The following TBC1D8 variants were observed in gnomAD, a reference collection of about 807,000 sequenced individuals.
The protein encoded by TBC1D8 is TBC1 domain family member 8, also known as BUB2-like protein 1.
A neutral mutation model predicts 118.8 loss-of-function variants in TBC1D8; 65 were observed. The ratio of observed to expected loss-of-function variants is 0.55; its 90% confidence interval spans 0.45 to 0.67. TBC1D8 has a LOEUF of 0.67. Ranked by LOEUF, TBC1D8 falls within the 30% of genes least tolerant of loss-of-function variation. The pLI, the probability that TBC1D8 is intolerant of heterozygous loss-of-function variation, is 0.00. For synonymous variants in TBC1D8, 566 were observed against 595.8 expected (o/e 0.95, Z 0.73); for missense variants, 1,376 against 1,471.2 (o/e 0.94, Z 1.06).
intron 5 of TBC1D8, among the ~76,000 whole-genome samples, chr2:101,045,843 A>C (rs1417195342): frequency 6.6e-6 from 1 of 152,030 alleles, no homozygotes; most frequent in South Asian, 2.1e-4. Context: ...AAAATACAAA[A>C]ATTAGCCAGC....
chr2:101,012,773 C>T (rs1003909096), intron 17 of TBC1D8, among the ~76,000 whole-genome samples: 3 of 152,148 alleles, frequency 2.0e-5, no homozygotes, highest in Non-Finnish European at 4.4e-5. Context: ...GGAACTTATT[C>T]GTAAACCATT....
chr2:101,119,670 C>G (rs748545427), intron 1 of TBC1D8, among the ~76,000 whole-genome samples: 1 of 152,198 alleles, frequency 6.6e-6, no homozygotes, highest in African/African-American at 2.4e-5. Flanking sequence ...AAGACCAGGA[C>G]CACTGTTCTA....
chr2:101,123,200 A>C (rs1018379407), intron 1 of TBC1D8, among the ~76,000 whole-genome samples: 2 of 151,992 alleles, frequency 1.3e-5, no homozygotes, highest in African/African-American at 4.8e-5. Context: ...TCACCACTGC[A>C]CTCCAGCCTG....
chr2:101,149,813 C>T (rs917659009), intron 1 of TBC1D8, among the ~76,000 whole-genome samples: 2 of 152,174 alleles, frequency 1.3e-5, no homozygotes, highest in Non-Finnish European at 2.9e-5. Flanking sequence ...TGCACAACTC[C>T]CTCCCCCAAA....
chr2:101,033,048 G>A (rs938163564), intron 10 of TBC1D8: 5 of 240,250 alleles, frequency 2.1e-5, no homozygotes, highest in Non-Finnish European at 3.3e-5. Context: ...CTCAAGAGGG[G>A]TGTTGAAGAC....
chr2:101,058,200 G>GC (rs1682550337), intron 3 of TBC1D8, among the ~76,000 whole-genome samples: 1 of 152,110 alleles, frequency 6.6e-6, no homozygotes, highest in African/African-American at 2.4e-5. Flanking sequence ...AACCCCACAG[G>GC]CCAGGTATAA....
chr2:101,139,140 C>T (rs906854259), intron 1 of TBC1D8, among the ~76,000 whole-genome samples: 4 of 152,102 alleles, frequency 2.6e-5, no homozygotes, highest in East Asian at 3.9e-4. Context: ...AACATTCCTC[C>T]GGAACTGGCT....
intron 15 of TBC1D8, among the ~76,000 whole-genome samples, chr2:101,025,455 G>A (rs1015901460): frequency 2.6e-5 from 4 of 152,144 alleles, no homozygotes; most frequent in Non-Finnish European, 5.9e-5. Context: ...TTGAACTGCT[G>A]ACCTCAAGTG....
chr2:101,073,258 T>A (rs912462351), intron 2 of TBC1D8, among the ~76,000 whole-genome samples: 2 of 143,206 alleles, frequency 1.4e-5, no homozygotes, highest in Non-Finnish European at 2.9e-5. Context: ...CTACATTGTT[T>A]TATTTTTTTT....
chr2:101,106,751 G>A (rs960068417), intron 1 of TBC1D8, among the ~76,000 whole-genome samples: 3 of 152,208 alleles, frequency 2.0e-5, no homozygotes, highest in African/African-American at 4.8e-5. Flanking sequence ...GCACTCTCTC[G>A]TGATGCTGGG....
intron 15 of TBC1D8, among the ~76,000 whole-genome samples, chr2:101,026,633 C>A (rs575352385): frequency 5.9e-5 from 9 of 152,282 alleles, no homozygotes; most frequent in African/African-American, 1.7e-4. Flanking sequence ...AGCCACACCC[C>A]CTTCCCTGCC....
At chr2:101,085,479 A>G (rs1185989203) in intron 2 of TBC1D8, among the ~76,000 whole-genome samples, 1 of 152,210 alleles carries the variant, frequency 6.6e-6, no homozygotes, top group African/African-American at 2.4e-5. Context: ...CATCTCGTCT[A>G]GCGAGATGCC....
chr2:101,018,668 C>T (rs1484486703), intron 17 of TBC1D8, among the ~76,000 whole-genome samples: 4 of 152,178 alleles, frequency 2.6e-5, no homozygotes, highest in African/African-American at 9.7e-5. Flanking sequence ...TCTCAGAGTT[C>T]GCAGAAGGAA....
chr2:101,028,180 C>T (rs959997131), intron 13 of TBC1D8, 34 bp from the exon 14 acceptor site: 2 of 1,612,048 alleles, frequency 1.2e-6, no homozygotes, highest in African/African-American at 2.7e-5. Flanking sequence ...TGCTCAGTCC[C>T]CTGCTCATCC....
chr2:101,151,122 C>T lies in TBC1D8; in HGVS notation c.127+5G>A, dbSNP rs1283969439. 5 of 1,123,468 alleles carry T rather than the reference C, an allele frequency of 4.5e-6. No individual in the cohort carries two copies. The highest frequency in any genetic ancestry group is 5.5e-6 in the Non-Finnish European group (5 of 901,286). 69.6% of individuals were successfully genotyped at this position (1,123,468 alleles called of 1,614,324 possible). A position where few individuals can be genotyped will look rare whatever the true frequency, so the allele number is the denominator to read the frequency against. On this transcript the variant is annotated splice_donor_5th_base_variant and intron_variant, in intron 1 of 19. Coordinates refer to ENST00000409318, the MANE Select transcript of TBC1D8 (RefSeq NM_001330348.2). ...CCGCCGCGCCCGCCCCGGCGAGCCC[C>T]TTACCGGTGAGGCGGCCGCCCCCCT...
At chr2:101,122,713 A>G (rs895198241) in intron 1 of TBC1D8, among the ~76,000 whole-genome samples, 1 of 152,172 alleles carries the variant, frequency 6.6e-6, no homozygotes, top group African/African-American at 2.4e-5. Flanking sequence ...AAACTCATAG[A>G]CTATTTGAGT....
intron 1 of TBC1D8, among the ~76,000 whole-genome samples, chr2:101,111,769 G>A (rs139127369): frequency 6.6e-6 from 1 of 152,290 alleles, no homozygotes; most frequent in East Asian, 1.9e-4. Context: ...TTTATTGGGT[G>A]CAGAGATTCA....
At position 101,007,836 on chromosome 2, in the gene TBC1D8, C is replaced by CTTAAG. The variant is rs760881948; in HGVS notation, c.3448_3452dup (p.Lys1151AsnfsTer4). 36 of 1,613,516 alleles carry CTTAAG rather than the reference C, an allele frequency of 2.2e-5. No individual in the cohort carries two copies. The highest frequency in any genetic ancestry group is 3.1e-5 in the Non-Finnish European group (36 of 1,179,806). Reference sequence around the variant, plus strand: ...TGCTGTCTTGCTACAAGTTACTCAGCTTAAGTTCAGATTGTGATTGGTGGC... The same window carrying CTTAAG: ...TGCTGTCTTGCTACAAGTTACTCAGCTTAAGTTAAGTTCAGATTGTGATTGGTGGC... On this transcript the variant is annotated frameshift_variant, in exon 20 of 20. Coordinates refer to ENST00000409318, the MANE Select transcript of TBC1D8 (RefSeq NM_001330348.2). LOFTEE classifies it high-confidence loss of function.
chr2:101,018,931 C>T, intron 17 of TBC1D8: 1 of 1,578,178 alleles, frequency 6.3e-7, no homozygotes, highest in South Asian at 1.2e-5. Flanking sequence ...TCCTAATCTT[C>T]TGGAATGCTC....
Sources: gnomAD v4.1 joint callset for allele counts (sites outside exome capture counted in the v4.1 genomes callset) on GRCh38, gnomAD v4.1.1 for gene constraint, MANE v1.5 for transcripts, NCBI Gene and HGNC (gene_info 2026-07-23, HGNC 2026-07-21) for gene names.